Variants in DOCK4 observed in about 807,000 individuals in gnomAD.
The protein encoded by DOCK4 is dedicator of cytokinesis 4, also known as dedicator of cytokinesis protein 4.
DOCK4 carries 97 observed loss-of-function variants against 268.1 expected under a neutral mutation model. The ratio of observed to expected loss-of-function variants is 0.36; its 90% CI spans 0.31 to 0.43. The LOEUF (loss-of-function observed/expected upper bound fraction) is 0.43, where lower values mean the gene tolerates loss of function less well. DOCK4 is among the 20% of genes least tolerant of loss of function. The pLI is 1.00. For missense variants in DOCK4, 2,145 were observed against 2,455.7 expected (o/e 0.87, Z 2.67); for synonymous variants, 954 against 887.2 (o/e 1.08, Z -1.34).
Position 112,098,368 on chromosome 7 carries a change from G to T in DOCK4, c.38-94237C>A, listed in dbSNP as rs187959095. The stretch of plus-strand genomic sequence containing the variant: ...TAACTTTTGTATTTTTAGTAGAGAT[G>T]GGGTTTCACCATGTTGGTCAGGCTG... On this transcript the variant is annotated intron_variant, in intron 1 of 52. Transcript: ENST00000428084. Among the ~76,000 whole-genome samples the T allele has an allele frequency of 1.2e-4, 18 of 151,914 alleles. No homozygotes were observed. In the East Asian group the frequency reaches 2.7e-3, roughly 23 times the overall value.
intron 1 of DOCK4, among the ~76,000 whole-genome samples, chr7:112,169,678 T>A (rs1817913533): frequency 6.6e-6 from 1 of 152,178 alleles, no homozygotes; most frequent in Non-Finnish European, 1.5e-5. Context: ...CTTTCTCGTG[T>A]AGCCTTTAGT....
chr7:111,879,174 T>C (rs192487782), intron 16 of DOCK4, among the ~76,000 whole-genome samples: 13 of 151,990 alleles, frequency 8.6e-5, no homozygotes, highest in East Asian at 1.9e-4. Context: ...GGCAGAGTCA[T>C]GAGGCCTCCA....
chr7:112,158,785 T>C (rs1206938900), intron 1 of DOCK4, among the ~76,000 whole-genome samples: 2 of 152,170 alleles, frequency 1.3e-5, no homozygotes, highest in Non-Finnish European at 2.9e-5. Context: ...TTAATGAGCT[T>C]CTCAATTGTT....
At chr7:112,113,233 T>C (rs1201169884) in intron 1 of DOCK4, among the ~76,000 whole-genome samples, 3 of 152,158 alleles carry the variant, frequency 2.0e-5, no homozygotes, top group East Asian at 1.9e-4. Flanking sequence ...AACGCCAGTA[T>C]TGAAGACCAA....
intron 1 of DOCK4, among the ~76,000 whole-genome samples, chr7:112,092,501 G>A (rs40143): frequency 0.59 from 89,564 of 151,886 alleles, 27,004 homozygotes; most frequent in Non-Finnish European, 0.63. Context: ...TCTTGCTAAC[G>A]ACCTAACGGC....
Position 112,129,457 on chromosome 7 carries a change from T to G in DOCK4, c.37+76645A>C, listed in dbSNP as rs554454527. Among the ~76,000 whole-genome samples, 83 of 152,236 alleles carry G rather than the reference T, an allele frequency of 5.5e-4. 1 individual carries two copies. The highest frequency in any genetic ancestry group is 2.0e-3 in the Admixed American group (31 of 15,294). Reference sequence around the variant, plus strand: ...CAATTCTGTATCCTGATTATTGTGGTCGTTACATATACCATACGTGAGACT... The same window carrying G: ...CAATTCTGTATCCTGATTATTGTGGGCGTTACATATACCATACGTGAGACT... On this transcript the variant is annotated intron_variant, in intron 1 of 52. Transcript: ENST00000428084.
At chr7:111,739,723 C>CAGTT in intron 47 of DOCK4, 1 of 498,834 alleles carries the variant, frequency 2.0e-6, no homozygotes, top group South Asian at 2.1e-5. Flanking sequence ...GACTTCGTAC[C>CAGTT]AGTTAGCAGT....
At position 112,206,032 on chromosome 7, in the gene DOCK4, G is replaced by A; in HGVS notation, c.37+70C>T. On this transcript the variant is annotated intron_variant, in intron 1 of 52. Transcript: ENST00000428084. ...AACCGGGCGGAGCGAGAGGGGCGCG[G>A]GGGCAAGGACGAGAAATGCGCACTC... The A allele has an allele frequency of 2.0e-6, 3 of 1,509,796 alleles. No homozygotes were observed. In the Middle Eastern group the frequency reaches 5.1e-4, roughly 255 times the overall value. 93.5% of individuals were successfully genotyped at this position (1,509,796 alleles called of 1,614,324 possible).
chr7:111,891,382 A>G (rs1562851864), intron 16 of DOCK4, among the ~76,000 whole-genome samples: 1 of 152,218 alleles, frequency 6.6e-6, no homozygotes, highest in Admixed American at 6.5e-5. Flanking sequence ...TGTATAAAGT[A>G]TTAACAATAA....
At chr7:112,153,137 T>C (rs569109157) in intron 1 of DOCK4, among the ~76,000 whole-genome samples, 1 of 152,296 alleles carries the variant, frequency 6.6e-6, no homozygotes, top group South Asian at 2.1e-4. Flanking sequence ...TGTAGCACAA[T>C]AAATTCTTAG....
At chr7:112,038,839 T>C (rs1473014389) in intron 1 of DOCK4, among the ~76,000 whole-genome samples, 1 of 152,256 alleles carries the variant, frequency 6.6e-6, no homozygotes, top group Non-Finnish European at 1.5e-5. Flanking sequence ...CCAACTGTAA[T>C]GTTTTGTGAC....
chr7:112,066,670 C>CGTGT lies in DOCK4; in HGVS notation c.38-62540_38-62539insACAC, dbSNP rs1807009884. Among the ~76,000 whole-genome samples, 5 of 51,672 alleles carry CGTGT rather than the reference C, an allele frequency of 9.7e-5. 1 individual carries two copies. The highest frequency in any genetic ancestry group is 3.7e-4 in the African/African-American group (4 of 10,782). The allele number at this position is 51,672 out of a possible 152,430, so 33.9% of individuals were successfully genotyped here. A position where few individuals can be genotyped will look rare whatever the true frequency, so the allele number is the denominator to read the frequency against. On this transcript the variant is annotated intron_variant, in intron 1 of 52. Coordinates refer to ENST00000428084, the MANE Select transcript of DOCK4 (RefSeq NM_001363540.2). ...CATATATACACATATTATACATATA[C>CGTGT]ATATACATATATACATATACATATA...
At chr7:112,047,530 A>C (rs181472066) in intron 1 of DOCK4, among the ~76,000 whole-genome samples, 199 of 152,304 alleles carry the variant, frequency 1.3e-3, no homozygotes, top group Non-Finnish European at 2.3e-3. Flanking sequence ...ACCAAAATCA[A>C]ATTTTTAGAG....
chr7:112,145,734 A>G lies in DOCK4; in HGVS notation c.37+60368T>C, dbSNP rs562922010. 1.1e-4 allele frequency among the ~76,000 whole-genome samples: 16 copies of G among 152,238 alleles called. No individual in the cohort carries two copies. The South Asian group carries it at 3.3e-3, about 32-fold the overall frequency. On this transcript the variant is annotated intron_variant, in intron 1 of 52. Transcript: ENST00000428084. ...GCACATGAGGGATGATTCTGGAAAC[A>G]TGATTTGCATGGAAATCTTTTGTCA... is the stretch of plus-strand genomic sequence containing the variant.
intron 1 of DOCK4, among the ~76,000 whole-genome samples, chr7:112,165,523 C>CGTGTGTGTGT (rs112020512): frequency 4.0e-5 from 5 of 126,472 alleles, no homozygotes; most frequent in Non-Finnish European, 8.9e-5. Context: ...GAATAGTATA[C>CGTGTGTGTGT]GTGTGTGTGT....
chr7:111,919,543 C>A (rs909127016), intron 12 of DOCK4, among the ~76,000 whole-genome samples: 1 of 152,098 alleles, frequency 6.6e-6, no homozygotes, highest in South Asian at 2.1e-4. Flanking sequence ...TAGTTTTCAA[C>A]CTGAAGGTTT....
intron 8 of DOCK4, among the ~76,000 whole-genome samples, chr7:111,962,854 C>T (rs1797038508): frequency 6.6e-6 from 1 of 152,174 alleles, no homozygotes; most frequent in Non-Finnish European, 1.5e-5. Context: ...GAAACCTCAT[C>T]TGTACTTAAT....
chr7:111,976,596 G>C (rs896254303), intron 8 of DOCK4: 1 of 151,834 alleles, frequency 6.6e-6, no homozygotes, highest in African/African-American at 2.4e-5. Context: ...AGAACCAAAA[G>C]AGAATTGTAA....
In DOCK4 at chr7:111,901,658, A is replaced by G. The variant is rs761542768; in HGVS notation, c.1317+19T>C. On this transcript the variant is annotated intron_variant, in intron 14 of 52. Coordinates refer to ENST00000428084, the MANE Select transcript of DOCK4 (RefSeq NM_001363540.2). ...TTATACAGACTTGTTTGACCTGGAA[A>G]TATCAAGTATTAACATACCTTCAGG... The G allele has an allele frequency of 6.2e-7, 1 of 1,611,630 alleles. No homozygotes were observed. The highest frequency in any genetic ancestry group is 1.1e-5 in the South Asian group (1 of 90,470).
Sources: allele counts gnomAD v4.1 joint callset (sites outside exome capture counted in the v4.1 genomes callset), GRCh38; gene constraint gnomAD v4.1.1; transcripts MANE v1.5; gene names NCBI Gene and HGNC (gene_info 2026-07-23, HGNC 2026-07-21).